Variants in DNAJC1 observed in about 807,000 individuals in gnomAD.
DNAJC1 encodes the protein DnaJ heat shock protein family (Hsp40) member C1.
Under a neutral mutation model 76.6 loss-of-function variants are expected in DNAJC1, and 58 were observed. The observed-to-expected ratio is 0.76, with a 90% CI of 0.61 to 0.94. The LOEUF is 0.94. Ranked by LOEUF, DNAJC1 falls within the 40% of genes least tolerant of loss-of-function variation. The pLI is 0.00. For missense variants in DNAJC1, 689 were observed against 677.3 expected (o/e 1.02, Z -0.19); for synonymous variants, 258 against 267.9 (o/e 0.96, Z 0.36).
At chr10:21,780,903 C>T (rs1834520428) in intron 9 of DNAJC1, among the ~76,000 whole-genome samples, 4 of 152,152 alleles carry the variant, frequency 2.6e-5, no homozygotes, top group African/African-American at 9.7e-5. Flanking sequence ...GGAGGAAGAT[C>T]TACCAAGCAA....
chr10:21,759,225 C>T lies in DNAJC1; in HGVS notation c.1541G>A (p.Arg514Lys). 1 of 1,614,208 alleles carries T rather than the reference C, an allele frequency of 6.2e-7. No individual in the cohort carries two copies. The highest frequency in any genetic ancestry group is 2.2e-5 in the East Asian group (1 of 44,890). Residue 514 changes from arginine (R) to lysine (K), a missense_variant, in exon 11 of 12, where the codon AGG (arginine) becomes AAG (lysine). Arg to Lys is a conservative substitution (Grantham distance 26). Coordinates refer to ENST00000376980, the MANE Select transcript of DNAJC1 (RefSeq NM_022365.4). ...TTTGTCCCAGCGGTCAGAGGATCCC[C>T]TTGGGTACTGCTGCAACGCCAGTTC... ...LLELALQQYP[R>K]GSSDRWDKIA...
chr10:21,948,664 T>C (rs765816420), intron 1 of DNAJC1, among the ~76,000 whole-genome samples: 2 of 152,330 alleles, frequency 1.3e-5, no homozygotes, highest in South Asian at 2.1e-4. Context: ...TTCCTGTTAA[T>C]CTTATTGTGC....
intron 1 of DNAJC1, among the ~76,000 whole-genome samples, chr10:22,001,522 T>C (rs1463734286): frequency 6.6e-6 from 1 of 152,242 alleles, no homozygotes; most frequent in Non-Finnish European, 1.5e-5. Flanking sequence ...CTTGATTATC[T>C]ATGCTTCTTT....
rs1235669799 is a variant in DNAJC1 at position 21,803,887 on chromosome 10, C to CA, written c.1098+2092dup. On this transcript the variant is annotated intron_variant, in intron 9 of 11. Coordinates refer to ENST00000376980, the MANE Select transcript of DNAJC1 (RefSeq NM_022365.4). ...CCAAAAAAAAAAAAAACCCAAAAAA[C>CA]AAAAAAAAAATCACTTCACAATGTC... 3,466 of 839,552 alleles carry CA rather than the reference C, an allele frequency of 4.1e-3. 1 individual carries two copies. The highest frequency in any genetic ancestry group is 4.4e-3 in the Non-Finnish European group (3,132 of 712,614). The allele number at this position is 839,552 out of a possible 1,614,324, so 52.0% of individuals were successfully genotyped here.
chr10:21,827,800 A>G (rs1835286720), intron 8 of DNAJC1, among the ~76,000 whole-genome samples: 1 of 151,984 alleles, frequency 6.6e-6, no homozygotes, highest in African/African-American at 2.4e-5. Flanking sequence ...ATACTATTCA[A>G]CCCACTATAC....
chr10:21,767,973 C>A (rs1398678368), intron 9 of DNAJC1, among the ~76,000 whole-genome samples: 2 of 151,862 alleles, frequency 1.3e-5, no homozygotes, highest in Non-Finnish European at 2.9e-5. Flanking sequence ...CCAGCCTGGG[C>A]AACAGAGCCA....
chr10:21,895,156 T>C (rs919922687), intron 7 of DNAJC1, among the ~76,000 whole-genome samples: 2 of 152,206 alleles, frequency 1.3e-5, no homozygotes, highest in Non-Finnish European at 2.9e-5. Context: ...GAAGCCAGAA[T>C]AGCTTTGAAG....
intron 7 of DNAJC1, among the ~76,000 whole-genome samples, chr10:21,898,970 A>G (rs1320019484): frequency 1.3e-5 from 2 of 152,176 alleles, no homozygotes; most frequent in Admixed American, 6.5e-5. Flanking sequence ...ACTGACTAGG[A>G]AAACTACTTG....
intron 8 of DNAJC1, among the ~76,000 whole-genome samples, chr10:21,841,570 T>C (rs933600605): frequency 6.6e-6 from 1 of 152,142 alleles, no homozygotes; most frequent in South Asian, 2.1e-4. Context: ...CTCACACCAG[T>C]TAGAATGGCG....
At chr10:21,869,678 G>A (rs1226514647) in intron 8 of DNAJC1, among the ~76,000 whole-genome samples, 1 of 152,024 alleles carries the variant, frequency 6.6e-6, no homozygotes, top group African/African-American at 2.4e-5. Flanking sequence ...GATTATTAAG[G>A]AGAAGTATGA....
At chr10:21,874,547 T>C (rs1362738874) in intron 8 of DNAJC1, among the ~76,000 whole-genome samples, 1 of 152,160 alleles carries the variant, frequency 6.6e-6, no homozygotes, top group Non-Finnish European at 1.5e-5. Context: ...AGGCTACATA[T>C]TGTATAATTT....
At chr10:21,977,253 G>A (rs1363720234) in intron 1 of DNAJC1, among the ~76,000 whole-genome samples, 1 of 151,604 alleles carries the variant, frequency 6.6e-6, no homozygotes, top group Non-Finnish European at 1.5e-5. Flanking sequence ...CTTAAGAAAT[G>A]AAAAAAACAC....
chr10:21,987,770 A>T (rs1838270099), intron 1 of DNAJC1, among the ~76,000 whole-genome samples: 1 of 152,216 alleles, frequency 6.6e-6, no homozygotes, highest in African/African-American at 2.4e-5. Context: ...TTTCCAAAGT[A>T]ATATAATCTA....
chr10:21,792,513 T>C (rs576181325), intron 9 of DNAJC1, among the ~76,000 whole-genome samples: 1 of 152,182 alleles, frequency 6.6e-6, no homozygotes, highest in Admixed American at 6.5e-5. Context: ...TCCCAGCACT[T>C]TGGGAGGCTG....
intron 7 of DNAJC1, among the ~76,000 whole-genome samples, chr10:21,891,476 C>CAGAAAAAAAAAAAAAAAAAGAAAAA (rs1806994439): frequency 5.1e-5 from 2 of 38,856 alleles, no homozygotes; most frequent in African/African-American, 1.9e-4. Context: ...ACAAAGTAGA[C>CAGAAAAAAAAAAAAAAAAAGAAAAA]AAAAAAAAAA....
intron 8 of DNAJC1, among the ~76,000 whole-genome samples, chr10:21,875,606 T>C (rs1329728772): frequency 6.6e-6 from 1 of 152,148 alleles, no homozygotes; most frequent in East Asian, 1.9e-4. Context: ...AAGAGAAAAA[T>C]GTATAATATA....
At chr10:21,902,929 C>A (rs1278325510) in intron 7 of DNAJC1, among the ~76,000 whole-genome samples, 2 of 151,916 alleles carry the variant, frequency 1.3e-5, no homozygotes, top group South Asian at 4.2e-4. Context: ...TTATATTTTT[C>A]TTTTTTCTTT....
At chr10:21,852,574 T>A (rs1016299327) in intron 8 of DNAJC1, among the ~76,000 whole-genome samples, 1 of 152,094 alleles carries the variant, frequency 6.6e-6, no homozygotes, top group Non-Finnish European at 1.5e-5. Flanking sequence ...ACATACAATA[T>A]CAAGTGTTGT....
chr10:21,772,861 T>C (rs1337759106), intron 9 of DNAJC1, among the ~76,000 whole-genome samples: 2 of 152,152 alleles, frequency 1.3e-5, no homozygotes, highest in Admixed American at 1.3e-4. Flanking sequence ...CGTGGCAGCA[T>C]CTGCTTGGCT....
Sources: allele counts gnomAD v4.1 joint callset (sites outside exome capture counted in the v4.1 genomes callset), GRCh38; gene constraint gnomAD v4.1.1; transcripts MANE v1.5; gene names NCBI Gene and HGNC (gene_info 2026-07-23, HGNC 2026-07-21).